Variants in VWA8 observed in about 807,000 individuals in gnomAD.
VWA8 encodes the protein von Willebrand factor A domain-containing protein 8.
A neutral mutation model predicts 241.5 loss-of-function variants in VWA8; 221 were observed. The observed-to-expected ratio is 0.91, with a 90% CI of 0.82 to 1.02. The LOEUF is 1.02. Among genes scored for constraint, VWA8 ranks in the 50% least tolerant of loss-of-function variants. VWA8 has a pLI of 0.00. For synonymous variants in VWA8, 852 were observed against 827.1 expected (o/e 1.03, Z -0.52); for missense variants, 2,322 against 2,328.7 (o/e 1.00, Z 0.06).
At chr13:41,953,679 C>G (rs977965227) in intron 1 of VWA8, among the ~76,000 whole-genome samples, 1 of 152,114 alleles carries the variant, frequency 6.6e-6, no homozygotes, top group Non-Finnish European at 1.5e-5. Flanking sequence ...GTGGCTGGCA[C>G]ATGCCTGTAA....
chr13:41,719,836 A>G, intron 25 of VWA8, 94 bp from the exon 26 acceptor site: 1 of 1,187,428 alleles, frequency 8.4e-7, no homozygotes, highest in African/African-American at 1.6e-5. Flanking sequence ...TGATCAAATG[A>G]ACTACAGCAG....
At chr13:41,789,303 C>A (rs2137945670) in intron 17 of VWA8, among the ~76,000 whole-genome samples, 1 of 152,120 alleles carries the variant, frequency 6.6e-6, no homozygotes, top group Middle Eastern at 3.4e-3. Flanking sequence ...GTAAAATAAG[C>A]AAATAAATGA....
At position 41,567,198 on chromosome 13, in the gene VWA8, TA is replaced by T. The variant is rs1372908133; in HGVS notation, c.*998del. The T allele has an allele frequency of 6.6e-6, 1 of 152,206 alleles. No individual in the cohort carries two copies. Among genetic ancestry groups the T allele is most frequent in the Non-Finnish European group, 1.5e-5 (1 of 68,024 alleles). 9.4% of individuals were successfully genotyped at this position (152,206 alleles called of 1,614,324 possible). On this transcript the variant is annotated 3_prime_UTR_variant, in exon 45 of 45. Coordinates refer to ENST00000379310, the MANE Select transcript of VWA8 (RefSeq NM_015058.2). ...AGGTCAGCCCAAGAGTGTGTGGGAA[TA>T]AGGTACATTTTGAAAGAAAAGAGAA...
intron 2 of VWA8, among the ~76,000 whole-genome samples, chr13:41,920,109 C>A (rs1876444202): frequency 6.6e-6 from 1 of 152,180 alleles, no homozygotes; most frequent in Non-Finnish European, 1.5e-5. Flanking sequence ...CAGTGCTGCA[C>A]CTGGCTGCAC....
chr13:41,763,976 T>C (rs1026349322), intron 20 of VWA8, among the ~76,000 whole-genome samples: 2 of 152,162 alleles, frequency 1.3e-5, no homozygotes, highest in African/African-American at 2.4e-5. Context: ...GGCTGTCTTG[T>C]TCCATATGCT....
chr13:41,844,077 C>T (rs1872178834), intron 12 of VWA8, among the ~76,000 whole-genome samples: 1 of 152,042 alleles, frequency 6.6e-6, no homozygotes, highest in Non-Finnish European at 1.5e-5. Context: ...AACATGGACA[C>T]AAAAATCCTC....
intron 4 of VWA8, among the ~76,000 whole-genome samples, chr13:41,904,895 A>G (rs1793305737): frequency 6.6e-6 from 1 of 152,132 alleles, no homozygotes; most frequent in African/African-American, 2.4e-5. Flanking sequence ...CTAAAAGATA[A>G]CCAACTGGAA....
chr13:41,833,209 T>C (rs1368406255), intron 13 of VWA8, among the ~76,000 whole-genome samples, 162 bp downstream of exon 13: 3 of 152,190 alleles, frequency 2.0e-5, no homozygotes, highest in East Asian at 3.9e-4. Flanking sequence ...ATTGTGTTTA[T>C]AACAATAAAA....
At chr13:41,851,836 C>T (rs1250940698) in intron 12 of VWA8, among the ~76,000 whole-genome samples, 1 of 152,072 alleles carries the variant, frequency 6.6e-6, no homozygotes. Context: ...ATTCATTTGT[C>T]AATGAAAACA....
chr13:41,782,161 C>T (rs967730806), intron 19 of VWA8, among the ~76,000 whole-genome samples: 3 of 152,180 alleles, frequency 2.0e-5, no homozygotes, highest in Non-Finnish European at 4.4e-5. Context: ...AGAAAAGTCC[C>T]TCAGGGCCAC....
At chr13:41,877,652 T>TA (rs1445119569) in intron 9 of VWA8, among the ~76,000 whole-genome samples, 2 of 152,122 alleles carry the variant, frequency 1.3e-5, no homozygotes, top group Non-Finnish European at 2.9e-5. Context: ...TATCAATGGA[T>TA]AAGTGGCAGT....
chr13:41,702,116 A>G (rs964489492), intron 27 of VWA8, among the ~76,000 whole-genome samples: 1 of 152,220 alleles, frequency 6.6e-6, no homozygotes, highest in Non-Finnish European at 1.5e-5. Context: ...TAAGCAGAGG[A>G]GCTAATTTAA....
intron 12 of VWA8, among the ~76,000 whole-genome samples, chr13:41,849,247 A>G (rs150280361): frequency 1.3e-5 from 2 of 152,356 alleles, no homozygotes; most frequent in Non-Finnish European, 2.9e-5. Flanking sequence ...GCATTTAGGA[A>G]TCATAAAAGG....
Position 41,878,299 on chromosome 13 carries a change from C to A in VWA8, c.1080+5088G>T, listed in dbSNP as rs565080046. On this transcript the variant is annotated intron_variant, in intron 9 of 44. Transcript: ENST00000379310. ...ACTATTTGAGCACATATATTTCACC[C>A]ACCTATAAATATTAGCTTAAAATAA... is the stretch of plus-strand genomic sequence containing the variant. Among the ~76,000 whole-genome samples the A allele has an allele frequency of 2.4e-4, 36 of 152,028 alleles. 1 individual carries two copies. In the South Asian group the frequency reaches 7.3e-3, roughly 31 times the overall value.
intron 37 of VWA8, among the ~76,000 whole-genome samples, chr13:41,634,542 C>T (rs2044745207): frequency 6.6e-6 from 1 of 152,080 alleles, no homozygotes; most frequent in Non-Finnish European, 1.5e-5. Flanking sequence ...AAGGAAAGAG[C>T]CTGAGAGGAA....
At chr13:41,671,665 T>C (rs1001470433) in intron 36 of VWA8, among the ~76,000 whole-genome samples, 1 of 152,086 alleles carries the variant, frequency 6.6e-6, no homozygotes, top group African/African-American at 2.4e-5. Context: ...GCCTCTTTTA[T>C]AGAATGGGAT....
At chr13:41,782,147 C>T (rs1403478992) in intron 19 of VWA8, among the ~76,000 whole-genome samples, 1 of 152,222 alleles carries the variant, frequency 6.6e-6, no homozygotes, top group Non-Finnish European at 1.5e-5. Flanking sequence ...TTGGAGACAG[C>T]TTAAGAAAAG....
intron 21 of VWA8, among the ~76,000 whole-genome samples, chr13:41,747,143 T>C (rs1349076431): frequency 6.6e-6 from 1 of 152,218 alleles, no homozygotes; most frequent in Non-Finnish European, 1.5e-5. Flanking sequence ...AGAAAGTCAT[T>C]GGTAGCTTGA....
intron 24 of VWA8, among the ~76,000 whole-genome samples, chr13:41,725,900 T>G (rs2045429100): frequency 1.3e-5 from 2 of 152,216 alleles, no homozygotes; most frequent in Non-Finnish European, 2.9e-5. Flanking sequence ...TATCTGCACA[T>G]AATAAAAACT....
Sources: gnomAD v4.1 joint callset for allele counts (sites outside exome capture counted in the v4.1 genomes callset) on GRCh38, gnomAD v4.1.1 for gene constraint, MANE v1.5 for transcripts, NCBI Gene and HGNC (gene_info 2026-07-23, HGNC 2026-07-21) for gene names.